Variants in RMDN2 observed in about 807,000 individuals in gnomAD.
RMDN2 encodes regulator of microtubule dynamics protein 2.
In RMDN2, 61 loss-of-function variants were observed where a neutral mutation model predicts 52.8. The ratio of observed to expected loss-of-function variants is 1.16; its 90% CI spans 0.94 to 1.43. The LOEUF is 1.43. Among genes scored for constraint, RMDN2 ranks in the 40% most tolerant of loss-of-function variants. The pLI, the probability that RMDN2 is intolerant of heterozygous loss-of-function variation, is 0.00. For synonymous variants in RMDN2, 180 were observed against 153.1 expected (o/e 1.18, Z -1.30); for missense variants, 592 against 475.3 (o/e 1.25, Z -2.28).
intron 10 of RMDN2, among the ~76,000 whole-genome samples, chr2:38,037,038 G>A (rs1680632881): frequency 6.6e-6 from 1 of 152,074 alleles, no homozygotes. Context: ...TAGAAATTTT[G>A]GCTTCTAGGG....
intron 10 of RMDN2, among the ~76,000 whole-genome samples, chr2:38,038,426 G>A (rs1441990451): frequency 6.6e-6 from 1 of 152,156 alleles, no homozygotes; most frequent in Non-Finnish European, 1.5e-5. Context: ...GGAAAGTGCC[G>A]GGAGGAAAAC....
chr2:38,001,910 C>A (rs932815536), intron 8 of RMDN2, among the ~76,000 whole-genome samples: 9 of 152,218 alleles, frequency 5.9e-5, no homozygotes, highest in African/African-American at 2.2e-4. Context: ...ATGGATGCCA[C>A]TGTAGGATGG....
intron 2 of RMDN2, chr2:37,952,240 A>C (rs1558462432): frequency 6.3e-7 from 1 of 1,598,852 alleles, no homozygotes; most frequent in Non-Finnish European, 8.5e-7. Flanking sequence ...AGGGCACCTC[A>C]AATAGTTTTC....
At chr2:37,977,439 C>G (rs886064554) in intron 4 of RMDN2, among the ~76,000 whole-genome samples, 1 of 151,860 alleles carries the variant, frequency 6.6e-6, no homozygotes, top group African/African-American at 2.4e-5. Context: ...CCCCCACCTC[C>G]CAGACGGGGC....
chr2:38,019,355 G>A (rs1021875109), downstream of RMDN2, among the ~76,000 whole-genome samples: 2 of 152,154 alleles, frequency 1.3e-5, no homozygotes, highest in Non-Finnish European at 2.9e-5. Flanking sequence ...GATCTAATCA[G>A]TGTTCATGTA....
At chr2:37,997,617 T>C in intron 8 of RMDN2, 103 bp downstream of exon 8, 1 of 778,342 alleles carries the variant, frequency 1.3e-6, no homozygotes, top group Non-Finnish European at 2.2e-6. Flanking sequence ...GGAGCCTCAG[T>C]TTGAATCCTG....
chr2:37,975,734 T>C (rs533816652), intron 4 of RMDN2, among the ~76,000 whole-genome samples: 1 of 152,324 alleles, frequency 6.6e-6, no homozygotes, highest in Admixed American at 6.5e-5. Context: ...CACTAGTGAA[T>C]GTTAACTAAA....
rs1031964143 is a variant in RMDN2, at chr2:37,975,034, T to A, written c.628-178T>A. 126 of 595,806 alleles carry A rather than the reference T, an allele frequency of 2.1e-4. No individual in the cohort carries two copies. The African/African-American group carries it at 2.3e-3, about 11-fold the overall frequency. 36.9% of individuals were successfully genotyped at this position (595,806 alleles called of 1,614,324 possible). On this transcript the variant is annotated intron_variant, in intron 3 of 10. Transcript: ENST00000354545. ...GTAACACTACATTAGGTCATATTTC[T>A]TAGCCATGAGTATTTGGATTAAAAA...
chr2:37,975,495 G>C (rs1428813822), intron 4 of RMDN2, among the ~76,000 whole-genome samples, 181 bp downstream of exon 4: 1 of 152,112 alleles, frequency 6.6e-6, no homozygotes, highest in East Asian at 1.9e-4. Flanking sequence ...CTCATAAGTG[G>C]GAGTTGAACA....
intron 10 of RMDN2, among the ~76,000 whole-genome samples, chr2:38,056,428 C>A (rs911416411): frequency 6.6e-6 from 1 of 152,184 alleles, no homozygotes; most frequent in African/African-American, 2.4e-5. Context: ...TCTCCTCAAA[C>A]AGGAAATGAA....
intron 2 of RMDN2, chr2:37,952,116 A>C: frequency 6.2e-7 from 1 of 1,613,068 alleles, no homozygotes; most frequent in Non-Finnish European, 8.5e-7. Context: ...AAGCGAATTA[A>C]CTTCAGGCCT....
intron 10 of RMDN2, among the ~76,000 whole-genome samples, chr2:38,057,332 C>T (rs1280365947): frequency 1.3e-5 from 2 of 152,204 alleles, no homozygotes; most frequent in Non-Finnish European, 1.5e-5. Flanking sequence ...CATGGCTGTG[C>T]TCCAACATAA....
chr2:37,942,739 G>A (rs1015038156), intron 2 of RMDN2, among the ~76,000 whole-genome samples: 3 of 152,152 alleles, frequency 2.0e-5, no homozygotes, highest in African/African-American at 4.8e-5. Flanking sequence ...AAAAAGAAAA[G>A]TCACATTAAC....
At chr2:37,978,006 G>A (rs1457509648) in intron 4 of RMDN2, among the ~76,000 whole-genome samples, 9 of 152,180 alleles carry the variant, frequency 5.9e-5, no homozygotes, top group African/African-American at 1.7e-4. Flanking sequence ...CCGAGATCAC[G>A]CCACTGCACT....
At chr2:38,023,943 C>T (rs1040206100) in intron 10 of RMDN2, among the ~76,000 whole-genome samples, 2 of 152,196 alleles carry the variant, frequency 1.3e-5, no homozygotes, top group African/African-American at 4.8e-5. Context: ...CTCCCTCTTG[C>T]ATCTCTCTCT....
At chr2:37,925,773 A>G (rs6748549) in intron 1 of RMDN2, among the ~76,000 whole-genome samples, 2,449 of 145,704 alleles carry the variant, frequency 0.017, 60 homozygotes, top group African/African-American at 0.059. Flanking sequence ...AAGAATTTCA[A>G]CAGAGACACT....
At chr2:38,019,360 C>G, downstream of RMDN2, among the ~76,000 whole-genome samples, 1 of 152,094 alleles carries the variant, frequency 6.6e-6, no homozygotes, top group East Asian at 1.9e-4. Context: ...AATCAGTGTT[C>G]ATGTATTATA....
chr2:38,007,449 G>A (rs1231090711), intron 10 of RMDN2, among the ~76,000 whole-genome samples: 4 of 152,280 alleles, frequency 2.6e-5, no homozygotes, highest in East Asian at 3.8e-4. Context: ...TGTAAGTGTC[G>A]AGGAATTTAT....
At chr2:38,049,260 G>A (rs2125297856) in intron 10 of RMDN2, among the ~76,000 whole-genome samples, 1 of 152,224 alleles carries the variant, frequency 6.6e-6, no homozygotes, top group Non-Finnish European at 1.5e-5. Flanking sequence ...GGGAGTAGAA[G>A]GAAGGAAGGG....
Sources: gnomAD v4.1 joint callset for allele counts (sites outside exome capture counted in the v4.1 genomes callset) on GRCh38, gnomAD v4.1.1 for gene constraint, MANE v1.5 for transcripts, NCBI Gene and HGNC (gene_info 2026-07-23, HGNC 2026-07-21) for gene names.